KIAA1217: variants seen among roughly 807,000 people sequenced by gnomAD.
KIAA1217 encodes the protein KIAA1217.
A neutral mutation model predicts 163.9 loss-of-function variants in KIAA1217; 88 were observed. The observed-to-expected ratio is 0.54, with a 90% CI of 0.45 to 0.64. The LOEUF (loss-of-function observed/expected upper bound fraction) is 0.64, where lower values mean the gene tolerates loss of function less well. Ranked by LOEUF, KIAA1217 falls within the 30% of genes least tolerant of loss-of-function variation. The pLI, the probability that KIAA1217 is intolerant of heterozygous loss-of-function variation, is 0.00. For synonymous variants in KIAA1217, 903 were observed against 923.1 expected (o/e 0.98, Z 0.39); for missense variants, 2,372 against 2,475.0 (o/e 0.96, Z 0.88).
chr10:23,992,610 T>C (rs1017434472), intron 1 of KIAA1217, among the ~76,000 whole-genome samples: 7 of 147,752 alleles, frequency 4.7e-5, no homozygotes, highest in Non-Finnish European at 9.0e-5. Flanking sequence ...ATCATTTCTT[T>C]TTTTTTTTTT....
chr10:24,538,182 C>T (rs901876609), intron 17 of KIAA1217, among the ~76,000 whole-genome samples: 11 of 152,128 alleles, frequency 7.2e-5, no homozygotes, highest in Non-Finnish European at 1.3e-4. Context: ...TCTAACACAA[C>T]CATTCAAGAG....
intron 8 of KIAA1217, among the ~76,000 whole-genome samples, chr10:24,500,442 C>T (rs1254137759): frequency 1.3e-5 from 2 of 151,310 alleles, no homozygotes; most frequent in African/African-American, 4.9e-5. Context: ...AACATGGATC[C>T]AGCCTCTACT....
At chr10:24,120,963 T>C (rs574937859) in intron 2 of KIAA1217, among the ~76,000 whole-genome samples, 8 of 152,312 alleles carry the variant, frequency 5.3e-5, no homozygotes, top group Non-Finnish European at 8.8e-5. Context: ...GTGACACTTA[T>C]CACATTAAAT....
chr10:24,544,256 C>T lies in KIAA1217; in HGVS notation c.4986C>T (p.Thr1662=), dbSNP rs1294139613. The change falls in exon 19 of 21, where the codon ACC becomes ACT. Residue 1662 remains threonine (T), a synonymous_variant. Coordinates refer to ENST00000376454, the MANE Select transcript of KIAA1217 (RefSeq NM_019590.5). The part of the protein sequence containing the change: ...ISRTDEIRKN[T]YRTLDSLEQT... ...GAACTGATGAAATTAGAAAAAACAC[C>T]TACAGAACATTGGATAGCCTGGAGC... is the stretch of plus-strand genomic sequence containing the variant. 1.9e-6 allele frequency: 3 copies of T among 1,614,000 alleles called. No homozygotes were observed. The highest frequency in any genetic ancestry group is 2.5e-6 in the Non-Finnish European group (3 of 1,180,032).
At chr10:24,153,269 C>T (rs896173188) in intron 2 of KIAA1217, among the ~76,000 whole-genome samples, 1 of 152,152 alleles carries the variant, frequency 6.6e-6, no homozygotes, top group African/African-American at 2.4e-5. Context: ...GAGACAGCAG[C>T]CGGGAAGGGT....
At chr10:23,995,155 G>A (rs1846412127) in intron 1 of KIAA1217, among the ~76,000 whole-genome samples, 1 of 152,092 alleles carries the variant, frequency 6.6e-6, no homozygotes, top group Non-Finnish European at 1.5e-5. Flanking sequence ...CATTGCCCTG[G>A]GAACTAGGAG....
chr10:23,805,417 A>G, intron 1 of KIAA1217, among the ~76,000 whole-genome samples: 1 of 152,170 alleles, frequency 6.6e-6, no homozygotes, highest in South Asian at 2.1e-4. Flanking sequence ...TAGCAAACTA[A>G]CATGGGAATG....
At chr10:24,069,265 G>A (rs892903618) in intron 2 of KIAA1217, among the ~76,000 whole-genome samples, 4 of 152,188 alleles carry the variant, frequency 2.6e-5, no homozygotes, top group African/African-American at 7.2e-5. Context: ...TGTAATGTTC[G>A]ACATGTGGTT....
intron 1 of KIAA1217, among the ~76,000 whole-genome samples, chr10:23,838,291 T>A (rs1372734647): frequency 6.6e-6 from 1 of 152,196 alleles, no homozygotes; most frequent in Non-Finnish European, 1.5e-5. Context: ...TTTAAGTACA[T>A]TTGTAATGAT....
intron 1 of KIAA1217, among the ~76,000 whole-genome samples, chr10:23,708,701 C>A (rs915513852): frequency 1.3e-5 from 2 of 152,094 alleles, no homozygotes; most frequent in African/African-American, 4.8e-5. Flanking sequence ...TTAGGCAGGG[C>A]CTTAACTCCT....
chr10:24,104,788 T>C (rs2062557723), intron 2 of KIAA1217, among the ~76,000 whole-genome samples: 1 of 152,226 alleles, frequency 6.6e-6, no homozygotes, highest in Admixed American at 6.5e-5. Flanking sequence ...CTGGATTTTC[T>C]GCTCAATTTT....
intron 6 of KIAA1217, among the ~76,000 whole-genome samples, chr10:24,480,535 A>G (rs1441529661): frequency 6.6e-6 from 1 of 152,160 alleles, no homozygotes; most frequent in East Asian, 1.9e-4. Context: ...CTCTGCCTCC[A>G]TTTGCTCAAC....
chr10:23,781,607 C>T (rs1835262249), intron 1 of KIAA1217, among the ~76,000 whole-genome samples: 1 of 152,126 alleles, frequency 6.6e-6, no homozygotes, highest in Non-Finnish European at 1.5e-5. Context: ...AACTTGTTTG[C>T]TTTTGCTTTT....
At chr10:24,447,868 A>C (rs1244028892) in intron 5 of KIAA1217, among the ~76,000 whole-genome samples, 1 of 152,202 alleles carries the variant, frequency 6.6e-6, no homozygotes, top group Non-Finnish European at 1.5e-5. Context: ...GCGGTGGCTC[A>C]CACCTGTAAT....
At chr10:24,331,134 G>T (rs1245495670) in intron 2 of KIAA1217, among the ~76,000 whole-genome samples, 2 of 151,792 alleles carry the variant, frequency 1.3e-5, no homozygotes, top group African/African-American at 2.4e-5. Context: ...GTAGAGACAG[G>T]GTCTCCCTGT....
chr10:24,264,973 C>T (rs2076096657), intron 2 of KIAA1217, among the ~76,000 whole-genome samples: 1 of 152,110 alleles, frequency 6.6e-6, no homozygotes, highest in Admixed American at 6.6e-5. Flanking sequence ...ACCTCAACCT[C>T]CTGAGTAGCT....
chr10:24,103,223 A>G (rs2062487901), intron 2 of KIAA1217, among the ~76,000 whole-genome samples: 1 of 152,246 alleles, frequency 6.6e-6, no homozygotes, highest in Non-Finnish European at 1.5e-5. Flanking sequence ...CAATAAAAAA[A>G]GAAAAGAATC....
chr10:24,227,876 C>A (rs1199524974), intron 2 of KIAA1217, among the ~76,000 whole-genome samples: 2 of 152,158 alleles, frequency 1.3e-5, no homozygotes, highest in Admixed American at 6.5e-5. Context: ...AGAGGTCATT[C>A]TTCTGGTTTC....
At chr10:23,709,862 GC>G (rs1837138500) in intron 1 of KIAA1217, among the ~76,000 whole-genome samples, 1 of 152,198 alleles carries the variant, frequency 6.6e-6, no homozygotes, top group Admixed American at 6.5e-5. Context: ...TAGCCATTGT[GC>G]CATGTTGTCA....
Sources: gnomAD v4.1 joint callset for allele counts (sites outside exome capture counted in the v4.1 genomes callset) on GRCh38, gnomAD v4.1.1 for gene constraint, MANE v1.5 for transcripts, NCBI Gene and HGNC (gene_info 2026-07-23, HGNC 2026-07-21) for gene names.